ERI3: variants seen among roughly 807,000 people sequenced by gnomAD.
The protein encoded by ERI3 is ERI1 exoribonuclease family member 3.
A neutral mutation model predicts 44.4 loss-of-function variants in ERI3; 18 were observed. That is an observed-to-expected ratio of 0.41 (90% CI 0.28 to 0.60). The LOEUF (loss-of-function observed/expected upper bound fraction) is 0.60, where lower values mean the gene tolerates loss of function less well. ERI3 is among the 20% of genes least tolerant of loss of function. The probability of loss-of-function intolerance (pLI) is 0.36; values close to 1 mark genes in which losing one functional copy is unlikely to be tolerated. For synonymous variants in ERI3, 183 were observed against 164.8 expected, an observed-to-expected ratio of 1.11 and a Z score of -0.84; for missense variants, 294 against 435.5, an observed-to-expected ratio of 0.68 and a Z score of 2.89.
At chr1:44,311,037 T>C (rs1423922627) in intron 5 of ERI3, among the ~76,000 whole-genome samples, 2 of 146,768 alleles carry the variant, frequency 1.4e-5, no homozygotes, top group African/African-American at 5.1e-5. Flanking sequence ...CCATGAATCC[T>C]TTCCCCAGGG....
Position 44,250,268 on chromosome 1 carries a change from T to G in ERI3, c.832-2230A>C, listed in dbSNP as rs530091394. On this transcript the variant is annotated intron_variant, in intron 7 of 8. Coordinates refer to ENST00000372257, the MANE Select transcript of ERI3 (RefSeq NM_024066.3). ...CGGGCGGCAGGGCTGCCGAGGCCCCTCCGCTCTGCTTATGGCTCGGGGACA... is the reference window on the plus strand; with the variant it reads ...CGGGCGGCAGGGCTGCCGAGGCCCCGCCGCTCTGCTTATGGCTCGGGGACA... Among the ~76,000 whole-genome samples the G allele has an allele frequency of 8.5e-5, 13 of 152,356 alleles. No individual in the cohort carries two copies. In the East Asian group the frequency reaches 2.3e-3, roughly 27 times the overall value.
chr1:44,246,837 G>A (rs1260383540), intron 8 of ERI3, among the ~76,000 whole-genome samples: 1 of 152,160 alleles, frequency 6.6e-6, no homozygotes, highest in Non-Finnish European at 1.5e-5. Context: ...ATGGATAAAG[G>A]ATCTACTCTG....
intron 6 of ERI3, among the ~76,000 whole-genome samples, chr1:44,301,749 T>C (rs1017754070): frequency 1.3e-5 from 2 of 152,160 alleles, no homozygotes; most frequent in South Asian, 2.1e-4. Context: ...TGAGGAGGAA[T>C]TGCGGTCTTC....
chr1:44,290,699 C>T (rs374351998), intron 6 of ERI3, among the ~76,000 whole-genome samples: 1 of 152,180 alleles, frequency 6.6e-6, no homozygotes, highest in Non-Finnish European at 1.5e-5. Context: ...TCCATTCCCC[C>T]ACCCAGAGGA....
intron 7 of ERI3, chr1:44,256,984 T>A (rs1435961383): frequency 1.3e-5 from 2 of 152,152 alleles, no homozygotes; most frequent in Admixed American, 1.3e-4. Flanking sequence ...AGGCAGCAGG[T>A]CAGTCTGAGC....
Position 44,308,339 on chromosome 1 carries a change from G to A in ERI3, c.729C>T (p.Val243=), listed in dbSNP as rs1320459843. ...CTTTTAAGTCCCAGTCTCCACAGGT[G>A]ACAAAAATTGACTTGACGTTTGGAT... ...LLDPNVKSIF[V]TCGDWDLKVM... The change falls in exon 6 of 9, where the codon GTC becomes GTT. Residue 243 remains valine (V), a synonymous_variant. Coordinates refer to ENST00000372257, the MANE Select transcript of ERI3 (RefSeq NM_024066.3). 6.2e-7 allele frequency: 1 copy of A among 1,614,116 alleles called. No individual in the cohort carries two copies. The highest frequency in any genetic ancestry group is 2.2e-5 in the East Asian group (1 of 44,890).
intron 7 of ERI3, among the ~76,000 whole-genome samples, chr1:44,265,343 C>A (rs1426647409): frequency 6.6e-6 from 1 of 152,210 alleles, no homozygotes; most frequent in Non-Finnish European, 1.5e-5. Context: ...GTACTCACAG[C>A]AGAGTAGGCT....
intron 6 of ERI3, among the ~76,000 whole-genome samples, chr1:44,289,851 A>C (rs1406282737): frequency 2.6e-5 from 4 of 152,228 alleles, no homozygotes; most frequent in African/African-American, 9.6e-5. Flanking sequence ...GATGTGGGGG[A>C]GAGCTGCTAG....
At chr1:44,310,735 C>T (rs1415483061) in intron 5 of ERI3, among the ~76,000 whole-genome samples, 1 of 152,076 alleles carries the variant, frequency 6.6e-6, no homozygotes, top group African/African-American at 2.4e-5. Context: ...AAGGATCCTA[C>T]CTAGTTCCGT....
chr1:44,281,597 A>ATATAT (rs1553189565), intron 7 of ERI3, among the ~76,000 whole-genome samples: 7 of 127,606 alleles, frequency 5.5e-5, no homozygotes, highest in South Asian at 5.0e-4. Flanking sequence ...CGAAAAAAAA[A>ATATAT]AAAAATATAT....
chr1:44,222,924 A>C (rs1226838175), intron 8 of ERI3, among the ~76,000 whole-genome samples: 1 of 152,224 alleles, frequency 6.6e-6, no homozygotes, highest in Non-Finnish European at 1.5e-5. Context: ...CCAGGACCTT[A>C]GTCTAGGAAG....
intron 5 of ERI3, among the ~76,000 whole-genome samples, chr1:44,312,688 G>A (rs1181085067): frequency 6.6e-6 from 1 of 152,372 alleles, no homozygotes; most frequent in African/African-American, 2.4e-5. Context: ...GGGCAGGCGG[G>A]CCCAGCCACA....
Position 44,282,723 on chromosome 1 carries a change from G to C in ERI3, c.831+2112C>G, listed in dbSNP as rs182349620. Among the ~76,000 whole-genome samples the C allele has an allele frequency of 3.9e-4, 59 of 152,332 alleles. 1 individual carries two copies. Among genetic ancestry groups the C allele is most frequent in the African/African-American group, 1.4e-3 (57 of 41,566 alleles). On this transcript the variant is annotated intron_variant, in intron 7 of 8. Coordinates refer to ENST00000372257, the MANE Select transcript of ERI3 (RefSeq NM_024066.3). ...TGCAATACAAAGTGGCTGGAGTGCA[G>C]AGAGGAAGAGGTTAGACCCCTTATG...
chr1:44,333,124 T>C (rs1646465181), intron 3 of ERI3, among the ~76,000 whole-genome samples: 1 of 152,242 alleles, frequency 6.6e-6, no homozygotes, highest in South Asian at 2.1e-4. Flanking sequence ...GCTCTGCTTA[T>C]GGTGTTAACT....
chr1:44,257,091 G>C (rs1270366592), intron 7 of ERI3, among the ~76,000 whole-genome samples: 1 of 152,032 alleles, frequency 6.6e-6, no homozygotes, highest in Admixed American at 6.5e-5. Context: ...TTCCTCCCCG[G>C]GGTGCTGGGG....
chr1:44,336,970 T>C (rs1345720405), intron 3 of ERI3, among the ~76,000 whole-genome samples: 1 of 152,232 alleles, frequency 6.6e-6, no homozygotes, highest in Non-Finnish European at 1.5e-5. Context: ...AAGTTGGTGA[T>C]ACAAGCTGTT....
intron 6 of ERI3, among the ~76,000 whole-genome samples, chr1:44,287,758 T>C (rs140480916): frequency 2.6e-5 from 4 of 152,378 alleles, no homozygotes; most frequent in African/African-American, 9.6e-5. Context: ...CTTTCTTTCA[T>C]GTTCCTTATC....
At chr1:44,275,120 A>G (rs1339141702) in intron 7 of ERI3, among the ~76,000 whole-genome samples, 18 of 152,202 alleles carry the variant, frequency 1.2e-4, no homozygotes, top group Admixed American at 1.2e-3. Flanking sequence ...AACAGCTTGC[A>G]GAGCCCCTAG....
chr1:44,343,180 C>A (rs1233096694), intron 2 of ERI3, among the ~76,000 whole-genome samples: 1 of 151,806 alleles, frequency 6.6e-6, no homozygotes, highest in African/African-American at 2.4e-5. Context: ...ATACAGAAGC[C>A]ACCCACTGGC....
Sources: gnomAD v4.1 joint callset for allele counts (sites outside exome capture counted in the v4.1 genomes callset) on GRCh38, gnomAD v4.1.1 for gene constraint, MANE v1.5 for transcripts, NCBI Gene and HGNC (gene_info 2026-07-23, HGNC 2026-07-21) for gene names.